Variants in SFXN5 observed in about 807,000 individuals in gnomAD.
SFXN5 encodes sideroflexin 5, also known as sideroflexin-5.
A neutral mutation model predicts 50.2 loss-of-function variants in SFXN5; 43 were observed. That is an observed-to-expected ratio of 0.86 (90% CI 0.67 to 1.11). SFXN5 has a LOEUF of 1.11. Ranked by LOEUF, SFXN5 falls within the 50% of genes least tolerant of loss-of-function variation. SFXN5 has a pLI of 0.00. For missense variants in SFXN5, 463 were observed against 454.1 expected (o/e 1.02, Z -0.18); for synonymous variants, 203 against 185.8 (o/e 1.09, Z -0.75).
intron 2 of SFXN5, chr2:73,049,251 A>T (rs1200809300): frequency 6.6e-6 from 1 of 152,290 alleles, no homozygotes; most frequent in Admixed American, 6.5e-5. Flanking sequence ...GAACGGCAAG[A>T]GGGCCAAACC....
At chr2:73,071,560 C>G (rs899694990) in intron 1 of SFXN5, 44 bp downstream of exon 1, 29 of 1,584,370 alleles carry the variant, frequency 1.8e-5, no homozygotes, top group Non-Finnish European at 2.4e-5. Flanking sequence ...TGCTCGTCCT[C>G]TCTTTGCCAC....
At chr2:73,023,157 G>A in intron 4 of SFXN5, 31 bp downstream of exon 4, 1 of 1,596,678 alleles carries the variant, frequency 6.3e-7, no homozygotes, top group Non-Finnish European at 8.5e-7. Context: ...ACAACACGGA[G>A]AAGGAAATAG....
At chr2:73,055,915 G>C (rs868237884) in intron 2 of SFXN5, among the ~76,000 whole-genome samples, 2 of 152,200 alleles carry the variant, frequency 1.3e-5, no homozygotes, top group Admixed American at 6.5e-5. Context: ...CCGGGCCAGT[G>C]AATGTCTTGA....
At position 73,000,457 on chromosome 2, in the gene SFXN5, T is replaced by G; in HGVS notation, c.442A>C (p.Asn148His). The change falls in exon 8 of 14, where the codon AAC (asparagine) becomes CAC (histidine). Residue 148 changes from asparagine to histidine, a missense_variant. Physicochemically the swap from Asn to His is moderately conservative, Grantham distance 68. Transcript: ENST00000272433. Reference protein sequence around the residue: ...WLNQSHNACVNYANRNATKPS... With the variant: ...WLNQSHNACVHYANRNATKPS... ...TTGGTCGCATTGCGGTTTGCATAGT[T>G]GACACAGGCATTGTGGCTCTGGTTC... 1 of 1,560,854 alleles carries G rather than the reference T, an allele frequency of 6.4e-7. No individual in the cohort carries two copies. Among genetic ancestry groups the G allele is most frequent in the East Asian group, 2.4e-5 (1 of 42,412 alleles).
intron 3 of SFXN5, among the ~76,000 whole-genome samples, chr2:73,033,109 G>A (rs543044231): frequency 9.8e-5 from 15 of 152,288 alleles, no homozygotes; most frequent in Admixed American, 3.9e-4. Context: ...AGGGCAATAC[G>A]CTTAATCTTT....
At chr2:73,059,031 G>A (rs1036351475) in intron 1 of SFXN5, 2 of 1,000,146 alleles carry the variant, frequency 2.0e-6, no homozygotes, top group African/African-American at 1.7e-5. Flanking sequence ...CCTCCCCAAG[G>A]TCCAGCTCTG....
chr2:72,961,347 A>ACCAC lies in SFXN5; in HGVS notation c.828-100_828-99insGTGG. On this transcript the variant is annotated intron_variant, in intron 12 of 13. Transcript: ENST00000272433. This position sits in a 1 kb window ranked among gnomAD's most constrained non-coding sequence, Gnocchi z 4.4. ...TCCCACTCTGTCTCTGGGCCCAGGAAGCGTGGTTCCGGGGCAGTGCCAGTG... is the reference window on the plus strand; with the variant it reads ...TCCCACTCTGTCTCTGGGCCCAGGAACCACGCGTGGTTCCGGGGCAGTGCCAGTG... 1.3e-6 allele frequency: 1 copy of ACCAC among 774,374 alleles called. No individual in the cohort carries two copies. Among genetic ancestry groups the ACCAC allele is most frequent in the Non-Finnish European group, 2.0e-6 (1 of 508,944 alleles). 48.0% of individuals were successfully genotyped at this position (774,374 alleles called of 1,614,324 possible).
intron 12 of SFXN5, among the ~76,000 whole-genome samples, chr2:72,962,904 G>T (rs968825760): frequency 6.6e-6 from 1 of 152,132 alleles, no homozygotes; most frequent in Admixed American, 6.5e-5. Flanking sequence ...GGACCAAGGT[G>T]CCTAAATCAA....
At chr2:73,035,816 A>G (rs1678902247) in intron 3 of SFXN5, among the ~76,000 whole-genome samples, 1 of 152,188 alleles carries the variant, frequency 6.6e-6, no homozygotes. Context: ...GCAACCTTTA[A>G]ACAAGGTAAC....
At position 72,946,613 on chromosome 2, in the gene SFXN5, C is replaced by T. The variant is rs571904081; in HGVS notation, c.946-1514G>A. ...TGTCTCACAGGCGCCTGAACTCAACCCACCTGAAATGGAACTGAACCTGCC... is the reference window on the plus strand; with the variant it reads ...TGTCTCACAGGCGCCTGAACTCAACTCACCTGAAATGGAACTGAACCTGCC... On this transcript the variant is annotated intron_variant, in intron 13 of 13. Coordinates refer to ENST00000272433, the MANE Select transcript of SFXN5 (RefSeq NM_144579.3). Among the ~76,000 whole-genome samples, 6 of 152,214 alleles carry T rather than the reference C, an allele frequency of 3.9e-5. No homozygotes were observed. In the South Asian group the frequency reaches 1.0e-3, roughly 26 times the overall value.
At chr2:72,986,407 T>G (rs146551239) in intron 10 of SFXN5, among the ~76,000 whole-genome samples, 1 of 152,252 alleles carries the variant, frequency 6.6e-6, no homozygotes, top group African/African-American at 2.4e-5. Flanking sequence ...TGTAGGAAGG[T>G]GGGTACTGGT....
chr2:72,976,941 T>C (rs1042312158), intron 10 of SFXN5, among the ~76,000 whole-genome samples: 1 of 152,202 alleles, frequency 6.6e-6, no homozygotes, highest in Admixed American at 6.5e-5. Flanking sequence ...GACTGACTCC[T>C]AAGAGCTATT....
intron 2 of SFXN5, among the ~76,000 whole-genome samples, chr2:73,047,697 G>A (rs930630252): frequency 2.6e-5 from 4 of 152,076 alleles, no homozygotes; most frequent in African/African-American, 9.7e-5. Flanking sequence ...CCATGACTGT[G>A]AGGCCTCCAC....
chr2:72,977,220 C>T (rs1237598824), intron 10 of SFXN5, among the ~76,000 whole-genome samples: 2 of 152,198 alleles, frequency 1.3e-5, no homozygotes, highest in African/African-American at 2.4e-5. Context: ...AGCAGAGCAA[C>T]ACTGCGGGAA....
chr2:72,988,194 C>T, intron 10 of SFXN5, 64 bp downstream of exon 10: 1 of 1,475,380 alleles, frequency 6.8e-7, no homozygotes, highest in Non-Finnish European at 9.4e-7. Context: ...ATCTGTCTCC[C>T]TGGGAGCCCA....
intron 1 of SFXN5, among the ~76,000 whole-genome samples, chr2:73,060,545 T>C (rs1682677315): frequency 6.6e-6 from 1 of 152,002 alleles, no homozygotes; most frequent in African/African-American, 2.4e-5. Context: ...TAACTCGGGA[T>C]TGGATCCTGG....
Position 72,951,836 on chromosome 2 carries a change from C to A in SFXN5, c.946-6737G>T, listed in dbSNP as rs1483272732. On this transcript the variant is annotated intron_variant, in intron 13 of 13. Transcript: ENST00000272433. ...GAAGGTGGCGACATTGACGCAGGGC[C>A]CAAAGCCCAAGCAGGCACCTGGCTG... Among the ~76,000 whole-genome samples the A allele has an allele frequency of 2.0e-5, 3 of 152,218 alleles. No homozygotes were observed. In the East Asian group the frequency reaches 5.8e-4, roughly 29 times the overall value.
intron 12 of SFXN5, 132 bp downstream of exon 12, chr2:72,968,316 C>G: frequency 8.1e-6 from 6 of 745,282 alleles, no homozygotes; most frequent in Non-Finnish European, 1.1e-5. Flanking sequence ...GAGCAAGACA[C>G]CTTCCACCCT....
At chr2:72,995,296 G>A (rs995471796) in intron 9 of SFXN5, among the ~76,000 whole-genome samples, 2 of 152,250 alleles carry the variant, frequency 1.3e-5, no homozygotes, top group African/African-American at 4.8e-5. Flanking sequence ...ACAGCAAACT[G>A]TTAGATTTCA....
Sources: gnomAD v4.1 joint callset for allele counts (sites outside exome capture counted in the v4.1 genomes callset) on GRCh38, gnomAD v4.1.1 for gene constraint, Gnocchi (gnomAD v3.1) non-coding constraint, MANE v1.5 for transcripts, NCBI Gene and HGNC (gene_info 2026-07-23, HGNC 2026-07-21) for gene names.